ABCB5: variants seen among roughly 807,000 people sequenced by gnomAD.
The protein encoded by ABCB5 is ATP-binding cassette sub-family B member 5.
A neutral mutation model predicts 144.2 loss-of-function variants in ABCB5; 155 were observed. The ratio of observed to expected loss-of-function variants is 1.08; its 90% CI spans 0.94 to 1.23. The LOEUF (loss-of-function observed/expected upper bound fraction) is 1.23. Among genes scored for constraint, ABCB5 ranks in the 50% most tolerant of loss-of-function variants. ABCB5 has a pLI of 0.00. For missense variants in ABCB5, 1,830 were observed against 1,520.8 expected, an observed-to-expected ratio of 1.20 and a Z score of -3.38; for synonymous variants, 610 against 528.6, an observed-to-expected ratio of 1.15 and a Z score of -2.11.
rs1208064243 is a variant in ABCB5 at position 20,700,437 on chromosome 7, G to A, written c.2337+302G>A. Among the ~76,000 whole-genome samples, 4 of 152,154 alleles carry A rather than the reference G, an allele frequency of 2.6e-5. No homozygotes were observed. In the South Asian group the frequency reaches 6.2e-4, roughly 24 times the overall value. On this transcript the variant is annotated intron_variant, in intron 19 of 27. Transcript: ENST00000404938. ...TGATGTAGTGTTCTGGGATCAGAAC[G>A]GAAGGCCAAATTAAAAAGGAGAAGT...
At chr7:20,657,218 T>C (rs565903808) in intron 13 of ABCB5, among the ~76,000 whole-genome samples, 1 of 152,318 alleles carries the variant, frequency 6.6e-6, no homozygotes, top group South Asian at 2.1e-4. Context: ...CAAATTGTGA[T>C]AGATCTAGAG....
intron 26 of ABCB5, among the ~76,000 whole-genome samples, chr7:20,752,649 C>G (rs372889541): frequency 1.3e-5 from 2 of 152,160 alleles, no homozygotes; most frequent in African/African-American, 4.8e-5. Context: ...GAATTCATGA[C>G]CAGCCTGGCC....
chr7:20,681,381 C>G, intron 14 of ABCB5, 124 bp from the exon 15 acceptor site: 4 of 1,059,910 alleles, frequency 3.8e-6, no homozygotes. Flanking sequence ...CCCTCCTCGG[C>G]CTCCCAAAGT....
intron 5 of ABCB5, among the ~76,000 whole-genome samples, chr7:20,634,198 C>T (rs1784101245): frequency 7.0e-6 from 1 of 142,432 alleles, no homozygotes; most frequent in East Asian, 2.1e-4. Flanking sequence ...AAAAAACAAA[C>T]CATGATCTCA....
chr7:20,700,124 A>T lies in ABCB5; in HGVS notation c.2326A>T (p.Met776Leu). 2 of 1,611,012 alleles carry T rather than the reference A, an allele frequency of 1.2e-6. No individual in the cohort carries two copies. The highest frequency in any genetic ancestry group is 1.7e-6 in the Non-Finnish European group (2 of 1,178,624). ...ATTAAGACACTTGGCCTTCAAAGCC[A>T]TGTTATATCAGGTCAGTGATAAGTT... ...MRLRHLAFKA[M>L]LYQDIAWFDE... Residue 776 changes from methionine to leucine, a missense_variant, in exon 19 of 28, where the codon ATG becomes TTG. By Grantham distance (15) the Met-to-Leu change is conservative (BLOSUM62 2). Transcript: ENST00000404938.
At chr7:20,629,766 G>GA (rs962505346) in intron 4 of ABCB5, among the ~76,000 whole-genome samples, 3 of 150,306 alleles carry the variant, frequency 2.0e-5, no homozygotes, top group East Asian at 2.0e-4. Flanking sequence ...CCATCTCAAA[G>GA]AAAAAAAAGA....
chr7:20,701,931 T>TAAGGGAA (rs1786643719), intron 19 of ABCB5, among the ~76,000 whole-genome samples: 1 of 152,238 alleles, frequency 6.6e-6, no homozygotes, highest in Non-Finnish European at 1.5e-5. Context: ...TTGTCTATAG[T>TAAGGGAA]AAGGGAAGCC....
intron 5 of ABCB5, among the ~76,000 whole-genome samples, chr7:20,640,008 A>G (rs79067692): frequency 0.015 from 2,241 of 152,238 alleles, 23 homozygotes; most frequent in Non-Finnish European, 0.023. Context: ...TCATTTATTT[A>G]GATCTTCTTT....
At chr7:20,718,147 G>C (rs10234365) in intron 20 of ABCB5, among the ~76,000 whole-genome samples, 21,552 of 151,174 alleles carry the variant, frequency 0.14, 3,006 homozygotes, top group African/African-American at 0.35. Context: ...CGGACCTCGT[G>C]ACCAGCCCGC....
In ABCB5 at chr7:20,756,884, AT is replaced by A. The variant is rs1231197657; in HGVS notation, c.*1263del. ...TCAGTGTATTTTCTTCCATTTACAC[AT>A]TTAGCTAGCCTCCCTAAAGTGTACT... On this transcript the variant is annotated 3_prime_UTR_variant, in exon 28 of 28. Transcript: ENST00000404938. The A allele has an allele frequency of 3.3e-5, 5 of 152,322 alleles. No individual in the cohort carries two copies. The highest frequency in any genetic ancestry group is 1.2e-4 in the African/African-American group (5 of 41,448). 9.4% of individuals were successfully genotyped at this position (152,322 alleles called of 1,614,324 possible). A position where few individuals can be genotyped will look rare whatever the true frequency, so the allele number is the denominator to read the frequency against.
intron 20 of ABCB5, among the ~76,000 whole-genome samples, chr7:20,714,934 G>A (rs6961926): frequency 0.028 from 4,329 of 152,260 alleles, 187 homozygotes; most frequent in African/African-American, 0.095. Context: ...TTTGTCTAGC[G>A]TGGCTCTGTG....
In ABCB5 at chr7:20,756,912, T is replaced by C. The variant is rs146328292; in HGVS notation, c.*1288T>C. 5.2e-5 allele frequency: 8 copies of C among 152,470 alleles called. No homozygotes were observed. The East Asian group carries it at 1.5e-3, about 29-fold the overall frequency. 9.4% of individuals were successfully genotyped at this position (152,470 alleles called of 1,614,324 possible). On this transcript the variant is annotated 3_prime_UTR_variant, in exon 28 of 28. Coordinates refer to ENST00000404938, the MANE Select transcript of ABCB5 (RefSeq NM_001163941.2). The stretch of plus-strand genomic sequence containing the variant: ...TAGCTAGCCTCCCTAAAGTGTACTC[T>C]ACCAATAATTGAAATCTTGTTAAAC...
intron 14 of ABCB5, among the ~76,000 whole-genome samples, chr7:20,668,910 C>T (rs76951691): frequency 0.053 from 3,689 of 69,776 alleles, 6 homozygotes; most frequent in Non-Finnish European, 0.058. Flanking sequence ...CGCCTCTGCC[C>T]GGCCGCCCCT....
At chr7:20,650,569 C>CTTTT (rs71020652) in intron 12 of ABCB5, among the ~76,000 whole-genome samples, 2 of 147,042 alleles carry the variant, frequency 1.4e-5, no homozygotes, top group Non-Finnish European at 3.0e-5. Flanking sequence ...TTTTCTTTTC[C>CTTTT]TTTTTTTTTT....
intron 5 of ABCB5, among the ~76,000 whole-genome samples, chr7:20,642,496 C>T (rs1784314744): frequency 6.6e-6 from 1 of 152,160 alleles, no homozygotes; most frequent in Non-Finnish European, 1.5e-5. Context: ...TGTGGCCTAT[C>T]CCCCGTTTAC....
At position 20,756,157 on chromosome 7, in the gene ABCB5, T is replaced by G. The variant is rs1033836158; in HGVS notation, c.*533T>G. 1.3e-4 allele frequency: 20 copies of G among 152,902 alleles called. No individual in the cohort carries two copies. Among genetic ancestry groups the G allele is most frequent in the African/African-American group, 4.8e-4 (20 of 41,426 alleles). The allele number at this position is 152,902 out of a possible 1,614,324, so 9.5% of individuals were successfully genotyped here. A position where few individuals can be genotyped will look rare whatever the true frequency, so the allele number is the denominator to read the frequency against. ...ACTATTTCTCTAAATTTTATTCTAT[T>G]TTTTTGTTGAGCAGGGAATAGAAAG... On this transcript the variant is annotated 3_prime_UTR_variant, in exon 28 of 28. Coordinates refer to ENST00000404938, the MANE Select transcript of ABCB5 (RefSeq NM_001163941.2).
intron 20 of ABCB5, among the ~76,000 whole-genome samples, chr7:20,717,666 T>A (rs1447489981): frequency 6.6e-6 from 1 of 151,810 alleles, no homozygotes; most frequent in Non-Finnish European, 1.5e-5. Context: ...CTCAGACTCC[T>A]GACCTCATGA....
In ABCB5 at chr7:20,753,441, C is replaced by T. The variant is rs750689834; in HGVS notation, c.3511C>T (p.Leu1171Phe). The T allele has an allele frequency of 1.1e-5, 17 of 1,614,010 alleles. No individual in the cohort carries two copies. The highest frequency in any genetic ancestry group is 1.4e-5 in the Non-Finnish European group (16 of 1,180,006). The change falls in exon 27 of 28, where the codon CTC becomes TTC. Residue 1171 changes from leucine (L) to phenylalanine (F), a missense_variant. By Grantham distance (22) the Leu-to-Phe change is conservative. Coordinates refer to ENST00000404938, the MANE Select transcript of ABCB5 (RefSeq NM_001163941.2). ...AAGACTAGCTATTGCAAGGGCTCTT[C>T]TCCAAAAACCCAAAATTTTATTGTT... is the stretch of plus-strand genomic sequence containing the variant. ...KQRLAIARAL[L>F]QKPKILLLDE...
intron 20 of ABCB5, among the ~76,000 whole-genome samples, chr7:20,707,147 C>T (rs1449108569): frequency 1.3e-5 from 2 of 152,144 alleles, no homozygotes; most frequent in Non-Finnish European, 2.9e-5. Context: ...ATCTCAATTT[C>T]TTCATCATGT....
Sources: allele counts gnomAD v4.1 joint callset (sites outside exome capture counted in the v4.1 genomes callset), GRCh38; gene constraint gnomAD v4.1.1; transcripts MANE v1.5; gene names NCBI Gene and HGNC (gene_info 2026-07-23, HGNC 2026-07-21).